PRKCB: variants seen among roughly 807,000 people sequenced by gnomAD.
PRKCB encodes the protein protein kinase C beta type.
A neutral mutation model predicts 81.5 loss-of-function variants in PRKCB; 13 were observed. The observed-to-expected ratio is 0.16, with a 90% confidence interval of 0.10 to 0.25. The LOEUF is 0.25. Ranked by LOEUF, PRKCB falls within the 10% of genes least tolerant of loss-of-function variation. The pLI is 1.00. For missense variants in PRKCB, 509 were observed against 875.7 expected (o/e 0.58, Z 5.29); for synonymous variants, 335 against 321.4 (o/e 1.04, Z -0.45).
rs373991946 is a variant in PRKCB at position 23,971,854 on chromosome 16, G to T, written c.206-16654G>T. Among the ~76,000 whole-genome samples the T allele has an allele frequency of 5.3e-5, 8 of 152,052 alleles. No individual in the cohort carries two copies. The East Asian group carries it at 7.7e-4, about 15-fold the overall frequency. On this transcript the variant is annotated intron_variant, in intron 2 of 16. Coordinates refer to ENST00000643927, the MANE Select transcript of PRKCB (RefSeq NM_002738.7). ...ACAACCACTTTGCAAAACAATGGCA[G>T]TTTCTTATTAAGTTAAACATAGAGT...
chr16:23,928,149 G>A (rs1963921709), intron 2 of PRKCB, among the ~76,000 whole-genome samples: 1 of 151,928 alleles, frequency 6.6e-6, no homozygotes, highest in Admixed American at 6.6e-5. Context: ...TTTTGAGATG[G>A]TGTTTCACTC....
chr16:23,861,926 G>A (rs1319010661), intron 2 of PRKCB, among the ~76,000 whole-genome samples: 3 of 152,130 alleles, frequency 2.0e-5, no homozygotes, highest in East Asian at 1.9e-4. Context: ...TGCTTAAAAC[G>A]TCTTAAGATG....
chr16:23,991,111 T>C (rs1261123349), intron 3 of PRKCB, among the ~76,000 whole-genome samples: 2 of 152,224 alleles, frequency 1.3e-5, no homozygotes, highest in South Asian at 2.1e-4. Flanking sequence ...TCTTCTGTCA[T>C]TGGATTTCTT....
At chr16:24,056,471 G>A (rs967492956) in intron 5 of PRKCB, among the ~76,000 whole-genome samples, 1 of 152,216 alleles carries the variant, frequency 6.6e-6, no homozygotes, top group African/African-American at 2.4e-5. Flanking sequence ...AAATACCTGT[G>A]ATACAGTGTG....
chr16:23,877,194 C>T (rs1681592912), intron 2 of PRKCB, among the ~76,000 whole-genome samples: 1 of 151,712 alleles, frequency 6.6e-6, no homozygotes, highest in Non-Finnish European at 1.5e-5. Flanking sequence ...TAAAAAAAAA[C>T]AGTAGCCAGG....
intron 2 of PRKCB, among the ~76,000 whole-genome samples, chr16:23,871,011 G>A (rs11644964): frequency 0.39 from 59,320 of 152,030 alleles, 11,872 homozygotes; most frequent in South Asian, 0.57. Flanking sequence ...CAGGCCACTT[G>A]GGCTTGTTCA....
chr16:24,117,190 G>A (rs563269025), intron 8 of PRKCB, among the ~76,000 whole-genome samples: 96 of 152,168 alleles, frequency 6.3e-4, no homozygotes, highest in Non-Finnish European at 5.3e-4. Flanking sequence ...CACCCGGAAT[G>A]ACTCAGAAAT....
At chr16:23,874,639 T>C (rs1962967079) in intron 2 of PRKCB, among the ~76,000 whole-genome samples, 1 of 151,952 alleles carries the variant, frequency 6.6e-6, no homozygotes, top group African/African-American at 2.4e-5. Flanking sequence ...TTCCTAATTG[T>C]GAAGTGTTGG....
intron 5 of PRKCB, among the ~76,000 whole-genome samples, chr16:24,060,959 A>G (rs148575256): frequency 8.9e-4 from 136 of 152,256 alleles, no homozygotes; most frequent in African/African-American, 3.1e-3. Flanking sequence ...TAATGTTTGT[A>G]TCTTTTCTCT....
intron 2 of PRKCB, among the ~76,000 whole-genome samples, chr16:23,919,956 G>A (rs939212341): frequency 2.0e-5 from 3 of 152,184 alleles, no homozygotes; most frequent in African/African-American, 7.2e-5. Flanking sequence ...ATGCTGCTAT[G>A]AACAGGAGTG....
chr16:24,107,671 C>T (rs1354468722), intron 7 of PRKCB, among the ~76,000 whole-genome samples: 2 of 152,354 alleles, frequency 1.3e-5, no homozygotes, highest in South Asian at 2.1e-4. Flanking sequence ...CACTCTGTGG[C>T]GTACTGGCCA....
chr16:24,196,857 G>A (rs948958570), intron 16 of PRKCB, among the ~76,000 whole-genome samples: 5 of 152,212 alleles, frequency 3.3e-5, no homozygotes, highest in Non-Finnish European at 7.3e-5. Flanking sequence ...TGTAGTGAAG[G>A]GGTATATACA....
chr16:23,955,032 G>A (rs777939027), intron 2 of PRKCB, among the ~76,000 whole-genome samples: 37 of 152,130 alleles, frequency 2.4e-4, no homozygotes, highest in Non-Finnish European at 4.6e-4. Flanking sequence ...TGGGATGCAG[G>A]GGAGCTTAAT....
chr16:23,837,265 T>G (rs1597201954), intron 1 of PRKCB, 110 bp from the exon 2 acceptor site: 1 of 1,396,928 alleles, frequency 7.2e-7, no homozygotes, highest in Non-Finnish European at 1.0e-6. Context: ...TGGCTGGGAG[T>G]TTGCACCTGG....
At chr16:23,955,963 T>G (rs1326413521) in intron 2 of PRKCB, among the ~76,000 whole-genome samples, 1 of 146,582 alleles carries the variant, frequency 6.8e-6, no homozygotes, top group Non-Finnish European at 1.5e-5. Context: ...GAAGCACTTA[T>G]CATAAAAGAC....
intron 1 of PRKCB, chr16:23,837,151 G>T: frequency 1.6e-6 from 1 of 626,824 alleles, no homozygotes; most frequent in Middle Eastern, 4.3e-4. Flanking sequence ...CCGCCACCTG[G>T]TGGTCGCAGC....
intron 16 of PRKCB, among the ~76,000 whole-genome samples, chr16:24,197,546 C>T (rs947513938): frequency 6.6e-6 from 1 of 152,140 alleles, no homozygotes; most frequent in African/African-American, 2.4e-5. Flanking sequence ...GCACAGGCCA[C>T]TGAAGGATCT....
intron 5 of PRKCB, among the ~76,000 whole-genome samples, chr16:24,083,638 G>A (rs971113547): frequency 6.6e-6 from 1 of 152,184 alleles, no homozygotes; most frequent in Non-Finnish European, 1.5e-5. Context: ...TAAAACTGTA[G>A]TGATGAGAAA....
At chr16:24,035,633 T>G in intron 5 of PRKCB, 86 bp downstream of exon 5, 2 of 176,696 alleles carry the variant, frequency 1.1e-5, no homozygotes, top group Non-Finnish European at 1.0e-5. Flanking sequence ...GGTGGGGCAG[T>G]CCAGTGGAGG....
Sources: gnomAD v4.1 joint callset for allele counts (sites outside exome capture counted in the v4.1 genomes callset) on GRCh38, gnomAD v4.1.1 for gene constraint, MANE v1.5 for transcripts, NCBI Gene and HGNC (gene_info 2026-07-23, HGNC 2026-07-21) for gene names.